Variants in MYPN observed in about 807,000 individuals in gnomAD.
The protein encoded by MYPN is myopalladin.
Under a neutral mutation model 129.4 loss-of-function variants are expected in MYPN, and 63 were observed. The observed-to-expected ratio is 0.49, with a 90% CI of 0.40 to 0.60. The LOEUF (loss-of-function observed/expected upper bound fraction) is 0.60. MYPN is among the 20% of genes least tolerant of loss of function. The pLI, the probability that MYPN is intolerant of heterozygous loss-of-function variation, is 0.00. For missense variants in MYPN, 1,596 were observed against 1,635.4 expected (o/e 0.98, Z 0.42); for synonymous variants, 629 against 600.9 (o/e 1.05, Z -0.68).
At chr10:68,177,158 A>C (rs2043239868) in intron 12 of MYPN, among the ~76,000 whole-genome samples, 2 of 152,204 alleles carry the variant, frequency 1.3e-5, no homozygotes, top group African/African-American at 2.4e-5. Context: ...TTTTTCTCTT[A>C]GTTACCTGAC....
At chr10:68,165,144 C>G (rs2043033053) in intron 8 of MYPN, among the ~76,000 whole-genome samples, 1 of 152,226 alleles carries the variant, frequency 6.6e-6, no homozygotes, top group Non-Finnish European at 1.5e-5. Flanking sequence ...ATCTGAGAAT[C>G]CTTATTTTTA....
At chr10:68,206,704 C>A in intron 18 of MYPN, 66 bp from the exon 19 acceptor site, 1 of 1,609,702 alleles carries the variant, frequency 6.2e-7, no homozygotes, top group Non-Finnish European at 8.5e-7. Flanking sequence ...TTCCTGGAAC[C>A]CTAAATTTGA....
At chr10:68,185,844 C>T (rs1256708740) in intron 12 of MYPN, among the ~76,000 whole-genome samples, 4 of 151,980 alleles carry the variant, frequency 2.6e-5, no homozygotes, top group African/African-American at 7.3e-5. Flanking sequence ...AAAAAATATC[C>T]TGGTGTAATT....
chr10:68,123,763 C>T (rs2042286743), intron 2 of MYPN, among the ~76,000 whole-genome samples: 1 of 152,020 alleles, frequency 6.6e-6, no homozygotes, highest in Non-Finnish European at 1.5e-5. Flanking sequence ...GCACGAGCCA[C>T]ATTTCAAGTG....
At position 68,206,738 on chromosome 10, in the gene MYPN, A is replaced by G. The variant is rs778945101; in HGVS notation, c.3660-32A>G. 4 of 1,613,886 alleles carry G rather than the reference A, an allele frequency of 2.5e-6. No homozygotes were observed. In the African/African-American group the frequency reaches 4.0e-5, roughly 16 times the overall value. On this transcript the variant is annotated intron_variant, in intron 18 of 19. Coordinates refer to ENST00000358913, the MANE Select transcript of MYPN (RefSeq NM_032578.4). ...GACAAAGGCATTTCTGCCCCCCGAT[A>G]AAATATAGGTATATTCTCTCTTTTT...
chr10:68,135,196 A>G (rs2042467941), intron 2 of MYPN, among the ~76,000 whole-genome samples: 1 of 152,032 alleles, frequency 6.6e-6, no homozygotes, highest in African/African-American at 2.4e-5. Flanking sequence ...CAAGTGATCC[A>G]CCTGCCTCAG....
chr10:68,121,326 A>C (rs2042237927), intron 1 of MYPN, 112 bp from the exon 2 acceptor site: 2 of 899,040 alleles, frequency 2.2e-6, no homozygotes, highest in Non-Finnish European at 3.3e-6. Context: ...AAAATTAGGC[A>C]ATTCTTTATT....
chr10:68,193,645 A>G (rs2043552604), intron 13 of MYPN, among the ~76,000 whole-genome samples: 1 of 152,228 alleles, frequency 6.6e-6, no homozygotes, highest in South Asian at 2.1e-4. Flanking sequence ...CTCTACTTTC[A>G]TAAACATTAG....
intron 2 of MYPN, among the ~76,000 whole-genome samples, chr10:68,131,959 A>G (rs1294077563): frequency 1.3e-5 from 2 of 152,096 alleles, no homozygotes; most frequent in South Asian, 2.1e-4. Flanking sequence ...AAATCTATCT[A>G]TAGATTTTTG....
At chr10:68,196,291 T>C (rs975123148) in intron 15 of MYPN, among the ~76,000 whole-genome samples, 3 of 152,202 alleles carry the variant, frequency 2.0e-5, no homozygotes, top group Non-Finnish European at 4.4e-5. Context: ...TTTCTTCCTC[T>C]CTGATTTTAC....
At chr10:68,089,434 C>T (rs532275892) in intron 1 of MYPN, among the ~76,000 whole-genome samples, 102 of 152,152 alleles carry the variant, frequency 6.7e-4, no homozygotes, top group South Asian at 1.7e-3. Context: ...CTCCGTTTCC[C>T]GGGTTCATGC....
At chr10:68,169,178 T>C (rs1268648155) in intron 10 of MYPN, among the ~76,000 whole-genome samples, 2 of 40,136 alleles carry the variant, frequency 5.0e-5, no homozygotes, top group African/African-American at 1.4e-4. Context: ...ACTCCGTCTC[T>C]ACTAAAAAAA....
chr10:68,157,270 G>T (rs1247066826), intron 6 of MYPN, among the ~76,000 whole-genome samples: 1 of 152,136 alleles, frequency 6.6e-6, no homozygotes, highest in Non-Finnish European at 1.5e-5. Flanking sequence ...TTCCTCAACA[G>T]ATTAGTGAGC....
intron 4 of MYPN, 68 bp downstream of exon 4, chr10:68,145,594 T>C: frequency 3.0e-5 from 40 of 1,343,422 alleles, no homozygotes; most frequent in Non-Finnish European, 4.1e-5. Flanking sequence ...AGAGAATGAT[T>C]AATTGGTTAC....
At chr10:68,104,512 A>G (rs2041997755), upstream of MYPN, among the ~76,000 whole-genome samples, 1 of 152,232 alleles carries the variant, frequency 6.6e-6, no homozygotes. Context: ...TAGGTCTGTC[A>G]TAGCATTCTG....
intron 6 of MYPN, among the ~76,000 whole-genome samples, chr10:68,157,126 G>C (rs765867417): frequency 7.2e-5 from 11 of 152,190 alleles, no homozygotes; most frequent in Non-Finnish European, 1.6e-4. Context: ...ACAATTCAAA[G>C]TGGTCTTTCT....
chr10:68,149,329 T>C (rs1347445697), intron 5 of MYPN, among the ~76,000 whole-genome samples: 2 of 152,228 alleles, frequency 1.3e-5, no homozygotes, highest in East Asian at 1.9e-4. Flanking sequence ...AGTGGGTAGT[T>C]CCAGGCATTG....
chr10:68,206,845 G>T lies in MYPN; in HGVS notation c.3735G>T (p.Thr1245=), dbSNP rs184347775. 8.1e-6 allele frequency: 13 copies of T among 1,614,206 alleles called. No individual in the cohort carries two copies. Among genetic ancestry groups the T allele is most frequent in the Non-Finnish European group, 1.1e-5 (13 of 1,180,034 alleles). The change falls in exon 19 of 20, where the codon ACG becomes ACT. Residue 1245 remains threonine, a synonymous_variant. Coordinates refer to ENST00000358913, the MANE Select transcript of MYPN (RefSeq NM_032578.4). ...PAKKSDAGWY[T]LSAKNEAGIV... Reference sequence around the variant, plus strand: ...AGAAATCAGACGCTGGATGGTACACGTTGTCAGCCAAGAATGAAGCCGGCA... The same window carrying T: ...AGAAATCAGACGCTGGATGGTACACTTTGTCAGCCAAGAATGAAGCCGGCA...
At chr10:68,153,757 G>T (rs146049488) in intron 6 of MYPN, among the ~76,000 whole-genome samples, 1 of 152,252 alleles carries the variant, frequency 6.6e-6, no homozygotes, top group African/African-American at 2.4e-5. Flanking sequence ...AGTGATGGAT[G>T]GTATCATGTG....
Sources: gnomAD v4.1 joint callset for allele counts (sites outside exome capture counted in the v4.1 genomes callset) on GRCh38, gnomAD v4.1.1 for gene constraint, MANE v1.5 for transcripts, NCBI Gene and HGNC (gene_info 2026-07-23, HGNC 2026-07-21) for gene names.